Variants in UNC13D observed in about 807,000 individuals in gnomAD.
The protein encoded by UNC13D is protein unc-13 homolog D.
UNC13D carries 115 observed loss-of-function variants against 151.7 expected under a neutral mutation model. The observed-to-expected ratio is 0.76, with a 90% confidence interval of 0.65 to 0.88. The LOEUF (loss-of-function observed/expected upper bound fraction) is 0.88. Ranked by LOEUF, UNC13D falls within the 40% of genes least tolerant of loss-of-function variation. The probability of loss-of-function intolerance (pLI) is 0.00; values close to 1 mark genes in which losing one functional copy is unlikely to be tolerated. For missense variants in UNC13D, 1,369 were observed against 1,438.7 expected (o/e 0.95, Z 0.78); for synonymous variants, 588 against 612.2 (o/e 0.96, Z 0.58).
In UNC13D at chr17:75,833,120, G is replaced by A. The variant is rs1326603333; in HGVS notation, c.2368-75C>T. On this transcript the variant is annotated intron_variant, in intron 24 of 31. Coordinates refer to ENST00000207549, the MANE Select transcript of UNC13D (RefSeq NM_199242.3). The surrounding 1 kb of genome is among the most constrained non-coding windows in gnomAD (Gnocchi z 4.0). ...ACCCCCATCCCCTTCCCCTGACCTG[G>A]AGGGAGGAAACAGGGCTGGGAACCG... 1 of 1,455,766 alleles carries A rather than the reference G, an allele frequency of 6.9e-7. No homozygotes were observed. Among genetic ancestry groups the A allele is most frequent in the African/African-American group, 1.4e-5 (1 of 71,624 alleles). 90.2% of individuals were successfully genotyped at this position (1,455,766 alleles called of 1,614,324 possible).
chr17:75,834,443 C>T lies in UNC13D; in HGVS notation c.2180G>A (p.Arg727Gln), dbSNP rs747390615. ...CCCCTGCTCCAGCACGGCCCCTACC[C>T]GCTGCTCCAGGGCCTCCCATGCCAG... ...AQLAWEALEQ[R>Q]VGAVLEQGQL... is the part of the protein sequence containing the mutation. The change falls in exon 23 of 32, where the codon CGG (arginine) becomes CAG (glutamine). Residue 727 changes from arginine to glutamine, a missense_variant. Arg to Gln is a conservative substitution (Grantham distance 43). Coordinates refer to ENST00000207549, the MANE Select transcript of UNC13D (RefSeq NM_199242.3). 2.6e-4 allele frequency: 406 copies of T among 1,565,778 alleles called. No homozygotes were observed. Among genetic ancestry groups the T allele is most frequent in the Middle Eastern group, 1.7e-3 (10 of 5,988 alleles).
At chr17:75,841,957 C>G (rs1334621398) in intron 6 of UNC13D, among the ~76,000 whole-genome samples, 1 of 152,076 alleles carries the variant, frequency 6.6e-6, no homozygotes, top group Non-Finnish European at 1.5e-5. Flanking sequence ...CCGTGTTAGC[C>G]AGGATGGTCT....
chr17:75,834,305 T>C lies in UNC13D; in HGVS notation c.2298+20A>G, dbSNP rs1479960154. 1.9e-6 allele frequency: 3 copies of C among 1,592,440 alleles called. No homozygotes were observed. The highest frequency in any genetic ancestry group is 2.5e-6 in the Non-Finnish European group (3 of 1,177,562). ...TGAAGACGGGATGGGATGGGGTGAC[T>C]GTGCGGTCGGACAAGGTACCTGCTC... On this transcript the variant is annotated intron_variant, in intron 23 of 31. Transcript: ENST00000207549.
chr17:75,831,652 A>G (rs2064873515), intron 25 of UNC13D: 3 of 462,908 alleles, frequency 6.5e-6, no homozygotes, highest in South Asian at 5.0e-5. Flanking sequence ...CCAGGCCCCC[A>G]GTGACAACCA....
chr17:75,832,679 G>A lies in UNC13D; in HGVS notation c.2447+287C>T, dbSNP rs2064879754. On this transcript the variant is annotated intron_variant, in intron 25 of 31. Transcript: ENST00000207549. This position sits in a 1 kb window ranked among gnomAD's most constrained non-coding sequence, Gnocchi z 4.3. ...TCAAAGCACTCAGAGCTAGGCAGCA[G>A]GAAATGGGGAGGCCTGAGAAGTGGC... 6 of 375,572 alleles carry A rather than the reference G, an allele frequency of 1.6e-5. No homozygotes were observed. The South Asian group carries it at 1.8e-4, about 11-fold the overall frequency. The allele number at this position is 375,572 out of a possible 1,614,324, so 23.3% of individuals were successfully genotyped here. A position where few individuals can be genotyped will look rare whatever the true frequency, so the allele number is the denominator to read the frequency against.
In UNC13D at chr17:75,840,403, G is replaced by A. The variant is rs2064939715; in HGVS notation, c.754-74C>T. 1.2e-6 allele frequency: 2 copies of A among 1,605,950 alleles called. No individual in the cohort carries two copies. The highest frequency in any genetic ancestry group is 1.3e-5 in the African/African-American group (1 of 74,734). On this transcript the variant is annotated intron_variant, in intron 9 of 31. Transcript: ENST00000207549. This position sits in a 1 kb window ranked among gnomAD's most constrained non-coding sequence, Gnocchi z 4.6. ...CGGGGCAGCGGAGGCGACAGGAGGT[G>A]GACCCCAGGCTCAGCTTTGTGAGGA...
rs760508407 is a variant in UNC13D, at chr17:75,836,817, C to T, written c.1157G>A (p.Arg386Gln). The stretch of plus-strand genomic sequence containing the variant: ...CATGCCTACCTGTTCTGCCTTGAGC[C>T]GACCCTGGATCCACTGGTACTCGAT... ...TSIEYQWIQG[R>Q]LKAEQQEELA... Residue 386 changes from arginine to glutamine, a missense_variant, in exon 13 of 32, where the codon CGG (arginine) becomes CAG (glutamine). Coordinates refer to ENST00000207549, the MANE Select transcript of UNC13D (RefSeq NM_199242.3). 4.3e-6 allele frequency: 7 copies of T among 1,613,932 alleles called. No homozygotes were observed. The South Asian group carries it at 5.5e-5, about 13-fold the overall frequency.
Position 75,832,414 on chromosome 17 carries a change from GTGA to G in UNC13D, c.2447+549_2447+551del, listed in dbSNP as rs1300892096. The stretch of plus-strand genomic sequence containing the variant: ...GGAACTTGCCCAAGGCTGCTAAGCA[GTGA>G]TGAAGCCGGAGTCTGAACCCAGGTG... On this transcript the variant is annotated intron_variant, in intron 25 of 31. Coordinates refer to ENST00000207549, the MANE Select transcript of UNC13D (RefSeq NM_199242.3). This position sits in a 1 kb window ranked among gnomAD's most constrained non-coding sequence, Gnocchi z 4.3. 1.3e-5 allele frequency: 2 copies of G among 154,902 alleles called. No homozygotes were observed. Among genetic ancestry groups the G allele is most frequent in the East Asian group, 1.9e-4 (1 of 5,328 alleles). 9.6% of individuals were successfully genotyped at this position (154,902 alleles called of 1,614,324 possible).
intron 1 of UNC13D, 49 bp from the exon 2 acceptor site, chr17:75,843,568 TC>T: frequency 1.9e-6 from 3 of 1,601,198 alleles, no homozygotes; most frequent in Non-Finnish European, 2.6e-6. Flanking sequence ...CAGAGCAGGC[TC>T]AGATGGACAG....
intron 22 of UNC13D, 43 bp from the exon 23 acceptor site, chr17:75,834,574 G>T: frequency 6.2e-7 from 1 of 1,612,266 alleles, no homozygotes; most frequent in Non-Finnish European, 8.5e-7. Context: ...GCCCAGGCTG[G>T]TCCCCACACC....
rs372220517 is a variant in UNC13D at position 75,833,029 on chromosome 17, A to C, written c.2384T>G (p.Met795Arg). 2 of 1,605,906 alleles carry C rather than the reference A, an allele frequency of 1.2e-6. No homozygotes were observed. Among genetic ancestry groups the C allele is most frequent in the Admixed American group, 3.4e-5 (2 of 58,706 alleles). Residue 795 changes from methionine (M) to arginine (R), a missense_variant, in exon 25 of 32, where the codon ATG becomes AGG. Physicochemically the swap from Met to Arg is moderately conservative, Grantham distance 91. Around this residue, in one of 3 missense-constraint regions of UNC13D, gnomAD observed 807 missense variants for 795.5 expected, o/e 1.01. Transcript: ENST00000207549. The surrounding 1 kb of genome is among the most constrained non-coding windows in gnomAD (Gnocchi z 4.0). ...GCAAAGCTCCACCTCCAGGAACTTC[A>C]TCAGGGGCAGAATGGCCTGGGGAGG... ...VLPEDAILPL[M>R]KFLEVELCYM... is the part of the protein sequence containing the mutation.
intron 12 of UNC13D, among the ~76,000 whole-genome samples, chr17:75,838,591 C>T (rs2064925261): frequency 1.3e-5 from 2 of 152,166 alleles, no homozygotes; most frequent in African/African-American, 2.4e-5. Context: ...CCCGGCATTC[C>T]TAGGACTTGA....
chr17:75,836,735 G>A, intron 13 of UNC13D, 39 bp from the exon 14 acceptor site: 1 of 1,613,388 alleles, frequency 6.2e-7, no homozygotes, highest in Non-Finnish European at 8.5e-7. Flanking sequence ...CTAGACAGCT[G>A]CTGCTGCTCC....
chr17:75,829,483 C>T (rs144446289), intron 30 of UNC13D, among the ~76,000 whole-genome samples: 2,049 of 151,942 alleles, frequency 0.013, 36 homozygotes, highest in Non-Finnish European at 0.016. Flanking sequence ...TTAGTAGAGA[C>T]GGGGTTTCAC....
At chr17:75,843,763 C>A in intron 1 of UNC13D, 2 of 1,418,794 alleles carry the variant, frequency 1.4e-6, no homozygotes, top group South Asian at 1.5e-5. Context: ...CGCACCCCAC[C>A]TCCCTCCCTT....
rs7223416 is a variant in UNC13D at position 75,840,081 on chromosome 17, C to A, written c.888G>T (p.Pro296=). The change falls in exon 11 of 32, where the codon CCG becomes CCT. Residue 296 remains proline (P), a synonymous_variant. Coordinates refer to ENST00000207549, the MANE Select transcript of UNC13D (RefSeq NM_199242.3). The surrounding 1 kb of genome is among the most constrained non-coding windows in gnomAD (Gnocchi z 4.6). ...RRATSASRSQ[P]SYTVHLHLLQ... ...GGAGGTGGAGGTGCACGGTGTAGCTCGGCTGCGAGCGGCTGGCCGAAGTGG... is the reference window on the plus strand; with the variant it reads ...GGAGGTGGAGGTGCACGGTGTAGCTAGGCTGCGAGCGGCTGGCCGAAGTGG... The A allele has an allele frequency of 3.7e-6, 6 of 1,612,714 alleles. No individual in the cohort carries two copies. The Admixed American group carries it at 6.7e-5, about 18-fold the overall frequency.
At position 75,834,523 on chromosome 17, in the gene UNC13D, C is replaced by A; in HGVS notation, c.2100G>T (p.Val700=). 1 of 1,591,330 alleles carries A rather than the reference C, an allele frequency of 6.3e-7. No individual in the cohort carries two copies. The change falls in exon 23 of 32, where the codon GTG becomes GTT. Residue 700 remains valine (V), a synonymous_variant. Transcript: ENST00000207549. The part of the protein sequence containing the change: ...DQGQAANMLC[V]VVNDMEQLRL... ...GCAGCTGCTCCATGTCATTCACCACCACACACAGCTGGGACAGAGATGCAG... is the reference window on the plus strand; with the variant it reads ...GCAGCTGCTCCATGTCATTCACCACAACACACAGCTGGGACAGAGATGCAG...
rs777393716 is a variant in UNC13D at position 75,839,956 on chromosome 17, G to A, written c.952-14C>T. On this transcript the variant is annotated splice_polypyrimidine_tract_variant and intron_variant, in intron 11 of 31. Transcript: ENST00000207549. ...GGTGCTTCCCGCCTGAGGGGAGCAG[G>A]TGGAGGAGTGTCAGGACCTGAAGGG... 14 of 1,613,708 alleles carry A rather than the reference G, an allele frequency of 8.7e-6. No homozygotes were observed. Among genetic ancestry groups the A allele is most frequent in the Non-Finnish European group, 9.3e-6 (11 of 1,179,984 alleles).
In UNC13D at chr17:75,830,015, G is replaced by C; in HGVS notation, c.2954+13C>G. ...TGAGGGGAGGGACTGGGAGAAGAAC[G>C]GGACCCACTCACAATTCAAAGGTCT... On this transcript the variant is annotated intron_variant, in intron 30 of 31. Transcript: ENST00000207549. 6.4e-7 allele frequency: 1 copy of C among 1,573,408 alleles called. No individual in the cohort carries two copies. The highest frequency in any genetic ancestry group is 8.6e-7 in the Non-Finnish European group (1 of 1,159,186).
Sources: gnomAD v4.1 joint callset for allele counts (sites outside exome capture counted in the v4.1 genomes callset) on GRCh38, gnomAD v4.1.1 for gene constraint, gnomAD v4.1.1 regional missense constraint, Gnocchi (gnomAD v3.1) non-coding constraint, MANE v1.5 for transcripts, NCBI Gene and HGNC (gene_info 2026-07-23, HGNC 2026-07-21) for gene names.